Variants in TNKS observed in about 807,000 individuals in gnomAD.
TNKS encodes the protein poly [ADP-ribose] polymerase tankyrase-1.
Under a neutral mutation model 135.8 loss-of-function variants are expected in TNKS, and 72 were observed. That is an observed-to-expected ratio of 0.53 (90% CI 0.44 to 0.64). The LOEUF (loss-of-function observed/expected upper bound fraction) is 0.64, where lower values mean the gene tolerates loss of function less well. Ranked by LOEUF, TNKS falls within the 30% of genes least tolerant of loss-of-function variation. The probability of loss-of-function intolerance (pLI) is 0.00; values close to 1 mark genes in which losing one functional copy is unlikely to be tolerated. For missense variants in TNKS, 1,769 were observed against 1,674.0 expected (o/e 1.06, Z -0.99); for synonymous variants, 849 against 649.3 (o/e 1.31, Z -4.68).
At chr8:9,571,870 C>T (rs541729950) in intron 1 of TNKS, among the ~76,000 whole-genome samples, 25 of 152,168 alleles carry the variant, frequency 1.6e-4, no homozygotes, top group African/African-American at 5.8e-4. Context: ...TCTTGATTTA[C>T]TGTGCCTTAC....
chr8:9,569,993 T>G (rs1034890464), intron 1 of TNKS, among the ~76,000 whole-genome samples: 66 of 152,230 alleles, frequency 4.3e-4, no homozygotes, highest in African/African-American at 1.4e-3. Flanking sequence ...TATTCTGAGA[T>G]CATGCAACTG....
intron 3 of TNKS, among the ~76,000 whole-genome samples, chr8:9,635,661 T>G (rs1244963845): frequency 6.6e-6 from 1 of 152,220 alleles, no homozygotes; most frequent in Non-Finnish European, 1.5e-5. Context: ...GAATTAAGCC[T>G]GTGTGCTGGC....
At chr8:9,577,601 A>G (rs922081862) in intron 1 of TNKS, among the ~76,000 whole-genome samples, 2 of 152,150 alleles carry the variant, frequency 1.3e-5, no homozygotes, top group Admixed American at 6.5e-5. Context: ...GTGAGAACTC[A>G]CTATTACGAG....
intron 17 of TNKS, chr8:9,740,813 T>C (rs1184069795): frequency 7.1e-6 from 1 of 141,346 alleles, no homozygotes; most frequent in Non-Finnish European, 1.5e-5. Flanking sequence ...TACATTTATA[T>C]GTAATTCTTG....
At chr8:9,664,501 A>G (rs4422774) in intron 3 of TNKS, among the ~76,000 whole-genome samples, 76,312 of 152,094 alleles carry the variant, frequency 0.5, 21,279 homozygotes, top group Middle Eastern at 0.69. Context: ...GGAAGGCACA[A>G]ACATTCAAAC....
At chr8:9,652,020 G>A (rs570917772) in intron 3 of TNKS, among the ~76,000 whole-genome samples, 1 of 152,200 alleles carries the variant, frequency 6.6e-6, no homozygotes, top group African/African-American at 2.4e-5. Flanking sequence ...ATAATTTAAA[G>A]TAAATGTGAA....
At chr8:9,714,199 C>T (rs906953151) in intron 11 of TNKS, among the ~76,000 whole-genome samples, 12 of 152,118 alleles carry the variant, frequency 7.9e-5, no homozygotes, top group South Asian at 2.1e-4. Flanking sequence ...ACTAAATGTA[C>T]GCCATATATA....
intron 1 of TNKS, among the ~76,000 whole-genome samples, chr8:9,571,911 G>T (rs1797772731): frequency 6.6e-6 from 1 of 152,040 alleles, no homozygotes; most frequent in African/African-American, 2.4e-5. Context: ...CTATCCTTTT[G>T]TCTGGTAAAT....
chr8:9,677,788 T>C (rs1355997238), intron 3 of TNKS, among the ~76,000 whole-genome samples: 2 of 152,216 alleles, frequency 1.3e-5, no homozygotes, highest in Non-Finnish European at 2.9e-5. Context: ...TTTCCATTTC[T>C]TCTCTGTCTC....
intron 3 of TNKS, among the ~76,000 whole-genome samples, chr8:9,649,509 G>C (rs537858263): frequency 3.3e-5 from 5 of 152,068 alleles, no homozygotes; most frequent in Non-Finnish European, 7.4e-5. Context: ...TGGGGGACAG[G>C]TGGTGGTTGG....
At chr8:9,764,684 G>C in intron 22 of TNKS, 32 bp from the exon 23 acceptor site, 1 of 1,548,760 alleles carries the variant, frequency 6.5e-7, no homozygotes, top group Non-Finnish European at 8.8e-7. Flanking sequence ...ACACTGGGAT[G>C]TTTTTATAAA....
At chr8:9,741,438 A>G (rs1805955446) in intron 17 of TNKS, among the ~76,000 whole-genome samples, 1 of 152,202 alleles carries the variant, frequency 6.6e-6, no homozygotes, top group Admixed American at 6.5e-5. Flanking sequence ...GTTCTACTCC[A>G]TTAGCCTTCA....
chr8:9,655,128 T>C (rs1171394406), intron 3 of TNKS, among the ~76,000 whole-genome samples: 1 of 152,178 alleles, frequency 6.6e-6, no homozygotes, highest in Non-Finnish European at 1.5e-5. Flanking sequence ...CCTACGCCCA[T>C]GGAGCCTCAC....
intron 3 of TNKS, among the ~76,000 whole-genome samples, chr8:9,655,492 C>T (rs924037754): frequency 6.6e-6 from 1 of 152,200 alleles, no homozygotes; most frequent in South Asian, 2.1e-4. Context: ...AGGCACCCCC[C>T]AGTAGGGGCG....
intron 20 of TNKS, among the ~76,000 whole-genome samples, chr8:9,752,837 G>T (rs1806619471): frequency 6.6e-6 from 1 of 151,744 alleles, no homozygotes. Flanking sequence ...GACTTACTGG[G>T]CCCCTGTAGT....
chr8:9,690,877 T>C (rs1383456345), intron 5 of TNKS, among the ~76,000 whole-genome samples: 3 of 152,194 alleles, frequency 2.0e-5, no homozygotes, highest in African/African-American at 7.2e-5. Context: ...ATTTTATCTC[T>C]GTTCATGTAA....
intron 25 of TNKS, among the ~76,000 whole-genome samples, chr8:9,769,612 CTTT>C (rs1163803220): frequency 1.8e-3 from 129 of 73,450 alleles, no homozygotes; most frequent in African/African-American, 6.6e-3. Flanking sequence ...CAGGCATTTT[CTTT>C]TTTTTTTTTT....
chr8:9,572,687 T>C (rs964603131), intron 1 of TNKS, among the ~76,000 whole-genome samples: 3 of 152,226 alleles, frequency 2.0e-5, no homozygotes, highest in African/African-American at 7.2e-5. Flanking sequence ...GGGGCTGCTG[T>C]GCTATATACC....
intron 1 of TNKS, among the ~76,000 whole-genome samples, chr8:9,573,338 G>T (rs1310433257): frequency 6.6e-6 from 1 of 152,186 alleles, no homozygotes; most frequent in Admixed American, 6.5e-5. Flanking sequence ...AGGAAGTGAT[G>T]TACAGAAGAC....
Sources: allele counts gnomAD v4.1 joint callset (sites outside exome capture counted in the v4.1 genomes callset), GRCh38; gene constraint gnomAD v4.1.1; transcripts MANE v1.5; gene names NCBI Gene and HGNC (gene_info 2026-07-23, HGNC 2026-07-21).